The following OR5H1 variants were observed in gnomAD, a reference collection of about 807,000 sequenced individuals.
OR5H1 encodes olfactory receptor family 5 subfamily H member 1.
For synonymous variants in OR5H1, 124 were observed against 134.4 expected (o/e 0.92, Z 0.54); for missense variants, 378 against 366.8 (o/e 1.03, Z -0.25).
Position 98,133,125 on chromosome 3 carries a change from G to A in OR5H1, c.428G>A (p.Arg143Gln), listed in dbSNP as rs149741052. ...ATTATGACCAATGGACTGTGCATCC[G>A]GCTATTAATCTTGTCATATGTAGGT... ...PAIMTNGLCI[R>Q]LLILSYVGGI... Residue 143 changes from arginine (R) to glutamine (Q), a missense_variant, in exon 2 of 2, where the codon CGG becomes CAG. Physicochemically the swap from Arg to Gln is conservative, Grantham distance 43 (BLOSUM62 1). Transcript: ENST00000641874. 1.8e-3 allele frequency: 2,897 copies of A among 1,613,352 alleles called. 39 individuals are homozygous for A. The East Asian group carries it at 0.023, about 13-fold the overall frequency.
Position 98,133,238 on chromosome 3 carries a change from A to G in OR5H1, c.541A>G (p.Thr181Ala), listed in dbSNP as rs1708279499. The change falls in exon 2 of 2, where the codon ACT becomes GCT. Residue 181 changes from threonine to alanine, a missense_variant. Thr to Ala is a moderately conservative substitution (Grantham distance 58). Transcript: ENST00000641874. Reference sequence around the variant, plus strand: ...CATAGTACATCACATTTACTGTGACACTATCCCATTGTCTAAGATTTCTTG... The same window carrying G: ...CATAGTACATCACATTTACTGTGACGCTATCCCATTGTCTAAGATTTCTTG... ...SNIVHHIYCD[T>A]IPLSKISCTD... 3 of 1,612,572 alleles carry G rather than the reference A, an allele frequency of 1.9e-6. No individual in the cohort carries two copies. The highest frequency in any genetic ancestry group is 4.5e-5 in the East Asian group (2 of 44,794).
rs373649639 is a variant in OR5H1 at position 98,133,353 on chromosome 3, C to T, written c.656C>T (p.Thr219Ile). 6.2e-7 allele frequency: 1 copy of T among 1,613,282 alleles called. No homozygotes were observed. The highest frequency in any genetic ancestry group is 8.5e-7 in the Non-Finnish European group (1 of 1,179,710). ...ATTGTGACTATTCTTGTATCTTATA[C>T]ATTTGTTCTCTTCGCAATCTTAAAA... ...FSIVTILVSY[T>I]FVLFAILKKK... Residue 219 changes from threonine to isoleucine, a missense_variant, in exon 2 of 2, where the codon ACA (threonine) becomes ATA (isoleucine). Coordinates refer to ENST00000641874, the MANE Select transcript of OR5H1 (RefSeq NM_001005338.2).
Position 98,135,434 on chromosome 3 carries a change from T to A in OR5H1, c.*1795T>A, listed in dbSNP as rs897122469. Reference sequence around the variant, plus strand: ...ATTTAATTATTTTAACTCATTATGGTCAGCCTCTCATTATGGGATATTGAC... The same window carrying A: ...ATTTAATTATTTTAACTCATTATGGACAGCCTCTCATTATGGGATATTGAC... On this transcript the variant is annotated 3_prime_UTR_variant, in exon 2 of 2. Coordinates refer to ENST00000641874, the MANE Select transcript of OR5H1 (RefSeq NM_001005338.2). 9 of 152,214 alleles carry A rather than the reference T, an allele frequency of 5.9e-5. No homozygotes were observed. Among genetic ancestry groups the A allele is most frequent in the African/African-American group, 1.9e-4 (8 of 41,456 alleles). The allele number at this position is 152,214 out of a possible 1,614,324, so 9.4% of individuals were successfully genotyped here. A position where few individuals can be genotyped will look rare whatever the true frequency, so the allele number is the denominator to read the frequency against.
rs529480620 is a variant in OR5H1 at position 98,135,860 on chromosome 3, A to C, written c.*2221A>C. ...GTTAGTTGAGAAGACTTTTAGATTTAAGCTCAAAGCATCTTTAGATGATGA... is the reference window on the plus strand; with the variant it reads ...GTTAGTTGAGAAGACTTTTAGATTTCAGCTCAAAGCATCTTTAGATGATGA... On this transcript the variant is annotated 3_prime_UTR_variant, in exon 2 of 2. Coordinates refer to ENST00000641874, the MANE Select transcript of OR5H1 (RefSeq NM_001005338.2). 1.1e-3 allele frequency: 171 copies of C among 152,348 alleles called. No individual in the cohort carries two copies. Among genetic ancestry groups the C allele is most frequent in the African/African-American group, 4.0e-3 (165 of 41,592 alleles). The allele number at this position is 152,348 out of a possible 1,614,324, so 9.4% of individuals were successfully genotyped here.
Position 98,133,569 on chromosome 3 carries a change from G to A in OR5H1, c.872G>A (p.Ser291Asn). Residue 291 changes from serine (S) to asparagine (N), a missense_variant, in exon 2 of 2, where the codon AGT becomes AAT. Ser to Asn is a conservative substitution (Grantham distance 46). Coordinates refer to ENST00000641874, the MANE Select transcript of OR5H1 (RefSeq NM_001005338.2). ...CCTTTGTTAAATCCTATCATCTACA[G>A]TCTGAGAAATAAGCAAGTCACAGTT... ...IIPLLNPIIY[S>N]LRNKQVTVSF... 1.9e-6 allele frequency: 3 copies of A among 1,612,616 alleles called. No individual in the cohort carries two copies. Among genetic ancestry groups the A allele is most frequent in the Non-Finnish European group, 2.5e-6 (3 of 1,179,234 alleles).
rs1232154079 is a variant in OR5H1 at position 98,135,573 on chromosome 3, G to A, written c.*1934G>A. 6.6e-6 allele frequency: 1 copy of A among 152,020 alleles called. No individual in the cohort carries two copies. The highest frequency in any genetic ancestry group is 6.6e-5 in the Admixed American group (1 of 15,240). 9.4% of individuals were successfully genotyped at this position (152,020 alleles called of 1,614,324 possible). A position where few individuals can be genotyped will look rare whatever the true frequency, so the allele number is the denominator to read the frequency against. On this transcript the variant is annotated 3_prime_UTR_variant, in exon 2 of 2. Transcript: ENST00000641874. ...TCTCTTACAGAAGTGTTTCTTTTATGGACACTTCGTTTTTGTTATTCTAAT... is the reference window on the plus strand; with the variant it reads ...TCTCTTACAGAAGTGTTTCTTTTATAGACACTTCGTTTTTGTTATTCTAAT...
rs1708310380 is a variant in OR5H1 at position 98,135,729 on chromosome 3, T to C, written c.*2090T>C. On this transcript the variant is annotated 3_prime_UTR_variant, in exon 2 of 2. Coordinates refer to ENST00000641874, the MANE Select transcript of OR5H1 (RefSeq NM_001005338.2). Reference sequence around the variant, plus strand: ...TACCAAGGGACTGGGGTATGCTCCATAGCCAAAGTACGTATGAACAAAACC... The same window carrying C: ...TACCAAGGGACTGGGGTATGCTCCACAGCCAAAGTACGTATGAACAAAACC... 6.6e-6 allele frequency: 1 copy of C among 152,158 alleles called. No homozygotes were observed. Among genetic ancestry groups the C allele is most frequent in the African/African-American group, 2.4e-5 (1 of 41,452 alleles). 9.4% of individuals were successfully genotyped at this position (152,158 alleles called of 1,614,324 possible). A position where few individuals can be genotyped will look rare whatever the true frequency, so the allele number is the denominator to read the frequency against.
rs1708344297 is a variant in OR5H1 at position 98,138,539 on chromosome 3, A to G, written c.*4900A>G. On this transcript the variant is annotated 3_prime_UTR_variant, in exon 2 of 2. Transcript: ENST00000641874. ...AGTCAAATATGTGTTTTTTTGTTTT[A>G]TTGCCGTGCCTGATATATATGAAGT... 1 of 152,148 alleles carries G rather than the reference A, an allele frequency of 6.6e-6. No homozygotes were observed. Among genetic ancestry groups the G allele is most frequent in the Non-Finnish European group, 1.5e-5 (1 of 68,010 alleles). The allele number at this position is 152,148 out of a possible 1,614,324, so 9.4% of individuals were successfully genotyped here.
At position 98,132,741 on chromosome 3, in the gene OR5H1, C is replaced by T. The variant is rs1384025990; in HGVS notation, c.44C>T (p.Thr15Ile). 1 of 1,613,156 alleles carries T rather than the reference C, an allele frequency of 6.2e-7. No homozygotes were observed. The highest frequency in any genetic ancestry group is 8.5e-7 in the Non-Finnish European group (1 of 1,179,464). ...NATLLTEFVL[T>I]GFLYQPQWKI... ...ACATTGCTGACAGAGTTTGTTCTCA[C>T]AGGATTTTTATATCAACCACAGTGG... Residue 15 changes from threonine to isoleucine, a missense_variant, in exon 2 of 2, where the codon ACA becomes ATA. Transcript: ENST00000641874.
In OR5H1 at chr3:98,136,520, C is replaced by G. The variant is rs1016794030; in HGVS notation, c.*2881C>G. 1.3e-5 allele frequency: 2 copies of G among 152,120 alleles called. No individual in the cohort carries two copies. The highest frequency in any genetic ancestry group is 4.8e-5 in the African/African-American group (2 of 41,424). 9.4% of individuals were successfully genotyped at this position (152,120 alleles called of 1,614,324 possible). A position where few individuals can be genotyped will look rare whatever the true frequency, so the allele number is the denominator to read the frequency against. On this transcript the variant is annotated 3_prime_UTR_variant, in exon 2 of 2. Transcript: ENST00000641874. Reference sequence around the variant, plus strand: ...CCTCTTTACCAATATGGCTAGAAAGCTTGTGAGCAGCTATCAGCCCAGATT... The same window carrying G: ...CCTCTTTACCAATATGGCTAGAAAGGTTGTGAGCAGCTATCAGCCCAGATT...
At position 98,136,276 on chromosome 3, in the gene OR5H1, T is replaced by G. The variant is rs1708316771; in HGVS notation, c.*2637T>G. ...GTATTTACATAAGTGCAAGTTGGAATAGGAATTGATCATCTCTTTTTAAGA... is the reference window on the plus strand; with the variant it reads ...GTATTTACATAAGTGCAAGTTGGAAGAGGAATTGATCATCTCTTTTTAAGA... On this transcript the variant is annotated 3_prime_UTR_variant, in exon 2 of 2. Transcript: ENST00000641874. The G allele has an allele frequency of 6.6e-6, 1 of 152,208 alleles. No individual in the cohort carries two copies. The highest frequency in any genetic ancestry group is 2.1e-4 in the South Asian group (1 of 4,832). 9.4% of individuals were successfully genotyped at this position (152,208 alleles called of 1,614,324 possible). A position where few individuals can be genotyped will look rare whatever the true frequency, so the allele number is the denominator to read the frequency against.
rs1462119906 is a variant in OR5H1, at chr3:98,135,600, A to G, written c.*1961A>G. 1 of 152,184 alleles carries G rather than the reference A, an allele frequency of 6.6e-6. No homozygotes were observed. Among genetic ancestry groups the G allele is most frequent in the Non-Finnish European group, 1.5e-5 (1 of 68,028 alleles). The allele number at this position is 152,184 out of a possible 1,614,324, so 9.4% of individuals were successfully genotyped here. A position where few individuals can be genotyped will look rare whatever the true frequency, so the allele number is the denominator to read the frequency against. On this transcript the variant is annotated 3_prime_UTR_variant, in exon 2 of 2. Coordinates refer to ENST00000641874, the MANE Select transcript of OR5H1 (RefSeq NM_001005338.2). The stretch of plus-strand genomic sequence containing the variant: ...ACACTTCGTTTTTGTTATTCTAATC[A>G]TAGTGAGAAAATCTGGCACAGTGTA...
rs1403569928 is a variant in OR5H1 at position 98,138,175 on chromosome 3, G to A, written c.*4536G>A. 6.6e-6 allele frequency: 1 copy of A among 152,166 alleles called. No individual in the cohort carries two copies. Among genetic ancestry groups the A allele is most frequent in the South Asian group, 2.1e-4 (1 of 4,818 alleles). 9.4% of individuals were successfully genotyped at this position (152,166 alleles called of 1,614,324 possible). A position where few individuals can be genotyped will look rare whatever the true frequency, so the allele number is the denominator to read the frequency against. ...AACTCTAAGGGGGTCCGCGTGAGAG[G>A]GTCGTGATCGATTGAGCAAGCCAGG... On this transcript the variant is annotated 3_prime_UTR_variant, in exon 2 of 2. Transcript: ENST00000641874.
chr3:98,131,158 A>G (rs1708251686), intron 1 of OR5H1, among the ~76,000 whole-genome samples: 1 of 152,076 alleles, frequency 6.6e-6, no homozygotes, highest in Non-Finnish European at 1.5e-5. Flanking sequence ...GATTCTTAGA[A>G]TTATTTCTTG....
rs905331577 is a variant in OR5H1 at position 98,136,735 on chromosome 3, T to C, written c.*3096T>C. ...CTGTCTTAGTTCCCATGAGGGCTGG[T>C]TGATAAAAGAGCCCAGCACTCCACT... On this transcript the variant is annotated 3_prime_UTR_variant, in exon 2 of 2. Coordinates refer to ENST00000641874, the MANE Select transcript of OR5H1 (RefSeq NM_001005338.2). 8 of 152,144 alleles carry C rather than the reference T, an allele frequency of 5.3e-5. No homozygotes were observed. Among genetic ancestry groups the C allele is most frequent in the African/African-American group, 1.9e-4 (8 of 41,428 alleles). The allele number at this position is 152,144 out of a possible 1,614,324, so 9.4% of individuals were successfully genotyped here.
At position 98,134,752 on chromosome 3, in the gene OR5H1, C is replaced by T. The variant is rs1456889707; in HGVS notation, c.*1113C>T. On this transcript the variant is annotated 3_prime_UTR_variant, in exon 2 of 2. Transcript: ENST00000641874. ...TCAATACTGAAATTCCTTTCACATTCTCACTGATACTATTGAGGTCCCTAG... is the reference window on the plus strand; with the variant it reads ...TCAATACTGAAATTCCTTTCACATTTTCACTGATACTATTGAGGTCCCTAG... 2.6e-5 allele frequency: 4 copies of T among 152,034 alleles called. No individual in the cohort carries two copies. Among genetic ancestry groups the T allele is most frequent in the Non-Finnish European group, 5.9e-5 (4 of 67,982 alleles). The allele number at this position is 152,034 out of a possible 1,614,324, so 9.4% of individuals were successfully genotyped here.
intron 1 of OR5H1, among the ~76,000 whole-genome samples, chr3:98,131,570 C>G (rs1049225637): frequency 1.3e-5 from 2 of 151,974 alleles, no homozygotes; most frequent in African/African-American, 4.8e-5. Flanking sequence ...TGGCCATTTA[C>G]AGGACATATG....
chr3:98,132,605 T>G lies in OR5H1; in HGVS notation c.-18-75T>G, dbSNP rs576811527. 36 of 1,525,444 alleles carry G rather than the reference T, an allele frequency of 2.4e-5. No individual in the cohort carries two copies. In the South Asian group the frequency reaches 4.1e-4, roughly 17 times the overall value. The allele number at this position is 1,525,444 out of a possible 1,614,324, so 94.5% of individuals were successfully genotyped here. A position where few individuals can be genotyped will look rare whatever the true frequency, so the allele number is the denominator to read the frequency against. ...GGTTCTGATCATTTTAGGTTTTCCT[T>G]CAGCACCTCTTCCCCAATTTCAACT... On this transcript the variant is annotated intron_variant, in intron 1 of 1. Transcript: ENST00000641874.
Position 98,133,395 on chromosome 3 carries a change from G to C in OR5H1, c.698G>C (p.Gly233Ala). The change falls in exon 2 of 2, where the codon GGT becomes GCT. Residue 233 changes from glycine to alanine, a missense_variant. Physicochemically the swap from Gly to Ala is moderately conservative, Grantham distance 60 (BLOSUM62 0). Coordinates refer to ENST00000641874, the MANE Select transcript of OR5H1 (RefSeq NM_001005338.2). ...ATCTTAAAAAAGAAATCTGATAAAG[G>C]TGTAAGGAAAGCCTTTTCCACCTGT... is the stretch of plus-strand genomic sequence containing the variant. ...FAILKKKSDK[G>A]VRKAFSTCGA... The C allele has an allele frequency of 6.2e-7, 1 of 1,613,074 alleles. No homozygotes were observed. Among genetic ancestry groups the C allele is most frequent in the African/African-American group, 1.3e-5 (1 of 74,762 alleles).
Sources: allele counts gnomAD v4.1 joint callset (sites outside exome capture counted in the v4.1 genomes callset), GRCh38; gene constraint gnomAD v4.1.1; transcripts MANE v1.5; gene names NCBI Gene and HGNC (gene_info 2026-07-23, HGNC 2026-07-21).